Variants in EXOC4 observed in about 807,000 individuals in gnomAD.
EXOC4 encodes exocyst complex component 4.
A neutral mutation model predicts 107.2 loss-of-function variants in EXOC4; 71 were observed. The ratio of observed to expected loss-of-function variants is 0.66; its 90% CI spans 0.55 to 0.81. The LOEUF is 0.81. EXOC4 is among the 30% of genes least tolerant of loss of function. The pLI is 0.00. For missense variants in EXOC4, 1,108 were observed against 1,189.6 expected (o/e 0.93, Z 1.01); for synonymous variants, 456 against 441.2 (o/e 1.03, Z -0.42).
At chr7:133,295,322 C>A (rs1794494293) in intron 3 of EXOC4, among the ~76,000 whole-genome samples, 1 of 152,044 alleles carries the variant, frequency 6.6e-6, no homozygotes, top group Non-Finnish European at 1.5e-5. Context: ...TCTTCTCTAA[C>A]AATTCTGTGT....
chr7:133,429,184 A>G (rs1797795932), intron 7 of EXOC4, among the ~76,000 whole-genome samples: 1 of 152,216 alleles, frequency 6.6e-6, no homozygotes, highest in African/African-American at 2.4e-5. Context: ...AGAATATTAG[A>G]GAAAGAATTG....
chr7:134,017,071 A>C (rs890378662), intron 17 of EXOC4, among the ~76,000 whole-genome samples: 1 of 152,266 alleles, frequency 6.6e-6, no homozygotes, highest in Non-Finnish European at 1.5e-5. Flanking sequence ...CTGAGAAAGA[A>C]GCACAATATT....
At chr7:133,794,686 C>CT (rs1796776132) in intron 10 of EXOC4, among the ~76,000 whole-genome samples, 2 of 152,144 alleles carry the variant, frequency 1.3e-5, no homozygotes, top group Non-Finnish European at 2.9e-5. Flanking sequence ...CTGAAAATAG[C>CT]TTGAGTGTGT....
chr7:133,275,140 G>T lies in EXOC4; in HGVS notation c.245G>T (p.Arg82Leu), dbSNP rs769669510. The T allele has an allele frequency of 6.2e-7, 1 of 1,601,186 alleles. No individual in the cohort carries two copies. The highest frequency in any genetic ancestry group is 8.5e-7 in the Non-Finnish European group (1 of 1,173,526). ...AIRTYQSITE[R>L]ITNSRNKIKQ... The stretch of plus-strand genomic sequence containing the variant: ...CGCACATACCAGAGCATCACAGAGC[G>T]CATCACTAACTCCCGAAATAAAATA... The change falls in exon 2 of 18, where the codon CGC becomes CTC. Residue 82 changes from arginine (R) to leucine (L), a missense_variant. Coordinates refer to ENST00000253861, the MANE Select transcript of EXOC4 (RefSeq NM_021807.4).
intron 7 of EXOC4, among the ~76,000 whole-genome samples, chr7:133,473,392 T>C (rs769111108): frequency 2.6e-5 from 4 of 152,222 alleles, no homozygotes; most frequent in African/African-American, 9.6e-5. Context: ...CAATCCTTAT[T>C]GGACAGAAAA....
intron 9 of EXOC4, among the ~76,000 whole-genome samples, chr7:133,593,092 CTTTTG>C (rs1801588192): frequency 6.6e-6 from 1 of 152,140 alleles, no homozygotes; most frequent in South Asian, 2.1e-4. Context: ...TTAGGCAAGT[CTTTTG>C]TTTTGGTGTC....
At position 133,533,091 on chromosome 7, in the gene EXOC4, C is replaced by G. The variant is rs139095478; in HGVS notation, c.1417+52953C>G. On this transcript the variant is annotated intron_variant, in intron 9 of 17. Transcript: ENST00000253861. Reference sequence around the variant, plus strand: ...GAAGCTCTGAGCAATGTATCTTGGTCTTTTATCTCCTTTGTTGCCTCCTTT... The same window carrying G: ...GAAGCTCTGAGCAATGTATCTTGGTGTTTTATCTCCTTTGTTGCCTCCTTT... 6.0e-3 allele frequency among the ~76,000 whole-genome samples: 919 copies of G among 152,186 alleles called. 11 individuals are homozygous for G. The highest frequency in any genetic ancestry group is 0.021 in the African/African-American group (875 of 41,548).
At chr7:133,404,556 C>A (rs1490882459) in intron 7 of EXOC4, among the ~76,000 whole-genome samples, 1 of 151,994 alleles carries the variant, frequency 6.6e-6, no homozygotes. Flanking sequence ...ATATTGTACC[C>A]TTTGTTGTAG....
chr7:133,689,322 A>G (rs1367317523), intron 10 of EXOC4, among the ~76,000 whole-genome samples: 4 of 152,178 alleles, frequency 2.6e-5, no homozygotes, highest in Non-Finnish European at 4.4e-5. Context: ...TAAAGAAAAA[A>G]AAATCAGTTA....
chr7:133,498,086 A>G (rs1360777455), intron 9 of EXOC4, among the ~76,000 whole-genome samples: 1 of 152,116 alleles, frequency 6.6e-6, no homozygotes, highest in African/African-American at 2.4e-5. Context: ...GGCACTGAAC[A>G]TGCCCAAATC....
At chr7:133,552,607 T>C (rs1800612327) in intron 9 of EXOC4, among the ~76,000 whole-genome samples, 1 of 151,718 alleles carries the variant, frequency 6.6e-6, no homozygotes, top group African/African-American at 2.4e-5. Context: ...GCAGACTCTG[T>C]TTGCTGAAAC....
At chr7:133,438,757 T>C (rs1434037093) in intron 7 of EXOC4, among the ~76,000 whole-genome samples, 2 of 152,204 alleles carry the variant, frequency 1.3e-5, no homozygotes, top group Non-Finnish European at 2.9e-5. Flanking sequence ...ATAAAATGCC[T>C]GCTCTCTGTA....
chr7:133,261,428 G>A (rs1431197749), intron 1 of EXOC4, among the ~76,000 whole-genome samples: 2 of 151,830 alleles, frequency 1.3e-5, no homozygotes, highest in Admixed American at 6.6e-5. Flanking sequence ...CACTGCGCCC[G>A]GCTAATTTTC....
chr7:133,299,696 C>T (rs1320211185), intron 3 of EXOC4, among the ~76,000 whole-genome samples: 3 of 152,110 alleles, frequency 2.0e-5, no homozygotes, highest in African/African-American at 7.2e-5. Flanking sequence ...AAGTAAAGGG[C>T]CTTTTCTTTG....
At chr7:133,707,345 T>C (rs1181651006) in intron 10 of EXOC4, among the ~76,000 whole-genome samples, 2 of 151,798 alleles carry the variant, frequency 1.3e-5, no homozygotes, top group African/African-American at 4.8e-5. Flanking sequence ...ATCATGCCAC[T>C]GCACTCCAGC....
chr7:133,374,703 C>A, intron 6 of EXOC4, 125 bp from the exon 7 acceptor site: 1 of 726,296 alleles, frequency 1.4e-6, no homozygotes, highest in Non-Finnish European at 2.1e-6. Context: ...CTGCTGAAAT[C>A]TAACGTTAAT....
chr7:133,788,813 C>T (rs1397533645), intron 10 of EXOC4, among the ~76,000 whole-genome samples: 3 of 152,046 alleles, frequency 2.0e-5, no homozygotes, highest in Non-Finnish European at 4.4e-5. Flanking sequence ...TTCTTTTATA[C>T]CCTACATGCA....
chr7:133,520,299 G>T (rs1200338497), intron 9 of EXOC4, among the ~76,000 whole-genome samples: 1 of 152,082 alleles, frequency 6.6e-6, no homozygotes, highest in African/African-American at 2.4e-5. Flanking sequence ...TTTTGTATCA[G>T]TCTCACTTGG....
chr7:133,738,242 C>T (rs1795490492), intron 10 of EXOC4, among the ~76,000 whole-genome samples: 2 of 152,018 alleles, frequency 1.3e-5, no homozygotes, highest in Admixed American at 6.6e-5. Flanking sequence ...AAATTGTCCT[C>T]CTGCTATCTT....
Sources: gnomAD v4.1 joint callset for allele counts (sites outside exome capture counted in the v4.1 genomes callset) on GRCh38, gnomAD v4.1.1 for gene constraint, MANE v1.5 for transcripts, NCBI Gene and HGNC (gene_info 2026-07-23, HGNC 2026-07-21) for gene names.